ARHGAP10: variants seen among roughly 807,000 people sequenced by gnomAD.
ARHGAP10 encodes Rho GTPase activating protein 10, also known as rho GTPase-activating protein 10.
ARHGAP10 carries 87 observed loss-of-function variants against 108.6 expected under a neutral mutation model. The ratio of observed to expected loss-of-function variants is 0.80; its 90% CI spans 0.67 to 0.96. ARHGAP10 has a LOEUF of 0.96. Among genes scored for constraint, ARHGAP10 ranks in the 40% least tolerant of loss-of-function variants. The pLI is 0.00. For missense variants in ARHGAP10, 939 were observed against 954.5 expected (o/e 0.98, Z 0.21); for synonymous variants, 347 against 341.1 (o/e 1.02, Z -0.19).
At chr4:147,945,703 G>C (rs1357552872) in intron 14 of ARHGAP10, among the ~76,000 whole-genome samples, 1 of 152,116 alleles carries the variant, frequency 6.6e-6, no homozygotes, top group Non-Finnish European at 1.5e-5. Flanking sequence ...ATAGTCATTT[G>C]GCCATTCATG....
intron 3 of ARHGAP10, among the ~76,000 whole-genome samples, chr4:147,831,741 G>A (rs1383225947): frequency 6.6e-6 from 1 of 152,136 alleles, no homozygotes; most frequent in Admixed American, 6.5e-5. Context: ...TGTAAAACCT[G>A]TTTTTCAGGA....
At chr4:147,789,161 A>C (rs1412391885) in intron 1 of ARHGAP10, among the ~76,000 whole-genome samples, 2 of 152,216 alleles carry the variant, frequency 1.3e-5, no homozygotes, top group Non-Finnish European at 2.9e-5. Flanking sequence ...GCTGCTTTCC[A>C]TTCAGTCGTG....
chr4:147,767,182 A>G (rs1379953721), intron 1 of ARHGAP10, among the ~76,000 whole-genome samples: 1 of 152,086 alleles, frequency 6.6e-6, no homozygotes, highest in Non-Finnish European at 1.5e-5. Context: ...CCAGCAGCAA[A>G]GAAATCTGTT....
chr4:147,982,916 T>G (rs1739875884), intron 18 of ARHGAP10, among the ~76,000 whole-genome samples: 1 of 152,168 alleles, frequency 6.6e-6, no homozygotes, highest in African/African-American at 2.4e-5. Flanking sequence ...AGGGTCTTAC[T>G]CTCGCCCAGG....
intron 1 of ARHGAP10, among the ~76,000 whole-genome samples, chr4:147,743,522 A>G (rs1728781272): frequency 6.6e-6 from 1 of 152,192 alleles, no homozygotes; most frequent in African/African-American, 2.4e-5. Flanking sequence ...GCACGCCTGT[A>G]ATTCCAGCAC....
intron 15 of ARHGAP10, among the ~76,000 whole-genome samples, chr4:147,951,826 T>C (rs1205087705): frequency 3.3e-5 from 5 of 152,124 alleles, no homozygotes; most frequent in African/African-American, 1.2e-4. Context: ...ATATTTATAG[T>C]GTAAGTTTCG....
At chr4:147,906,584 A>T in intron 10 of ARHGAP10, 54 bp from the exon 11 acceptor site, 1 of 1,580,998 alleles carries the variant, frequency 6.3e-7, no homozygotes, top group Non-Finnish European at 8.7e-7. Context: ...TCTTAGGAAA[A>T]ACTTGCCTTT....
chr4:148,004,059 A>G (rs1267804944), intron 18 of ARHGAP10, among the ~76,000 whole-genome samples: 3 of 142,424 alleles, frequency 2.1e-5, no homozygotes, highest in Non-Finnish European at 4.5e-5. Context: ...GGCAGTGTCT[A>G]TCAAAGCTTG....
chr4:148,067,609 T>C (rs545559901), intron 22 of ARHGAP10, among the ~76,000 whole-genome samples: 2 of 152,376 alleles, frequency 1.3e-5, no homozygotes, highest in East Asian at 3.9e-4. Context: ...ACTTATCCAT[T>C]TGGAGTCTTC....
intron 1 of ARHGAP10, among the ~76,000 whole-genome samples, chr4:147,734,887 T>C (rs981578865): frequency 1.3e-5 from 2 of 152,240 alleles, no homozygotes; most frequent in Middle Eastern, 3.2e-3. Flanking sequence ...AGATTATTTA[T>C]ATTTCCAGAT....
intron 18 of ARHGAP10, among the ~76,000 whole-genome samples, chr4:147,983,668 T>A (rs913092205): frequency 2.6e-5 from 4 of 152,238 alleles, no homozygotes; most frequent in Non-Finnish European, 5.9e-5. Flanking sequence ...TTGTTCCTTC[T>A]TAACATAGCT....
chr4:148,036,300 T>C (rs544928352), intron 19 of ARHGAP10, among the ~76,000 whole-genome samples: 2 of 152,294 alleles, frequency 1.3e-5, no homozygotes, highest in African/African-American at 4.8e-5. Flanking sequence ...ATGAAGAAAA[T>C]TATCTCACTC....
At chr4:147,998,938 G>A (rs6856135) in intron 18 of ARHGAP10, among the ~76,000 whole-genome samples, 22,060 of 152,138 alleles carry the variant, frequency 0.14, 2,599 homozygotes, top group African/African-American at 0.32. Flanking sequence ...TAGACAAGAA[G>A]AGAGAAGAGA....
chr4:148,011,784 G>A (rs774475257), intron 18 of ARHGAP10, among the ~76,000 whole-genome samples: 1 of 152,144 alleles, frequency 6.6e-6, no homozygotes, highest in Non-Finnish European at 1.5e-5. Flanking sequence ...GGAATTAACT[G>A]TAATCTATCA....
chr4:147,743,193 C>T (rs750185581), intron 1 of ARHGAP10, among the ~76,000 whole-genome samples: 7 of 151,750 alleles, frequency 4.6e-5, no homozygotes, highest in Non-Finnish European at 7.4e-5. Context: ...ACCACCATGC[C>T]TGGCTATTTT....
At chr4:147,888,579 T>C (rs1036094577) in intron 10 of ARHGAP10, among the ~76,000 whole-genome samples, 8 of 152,232 alleles carry the variant, frequency 5.3e-5, no homozygotes, top group Non-Finnish European at 1.0e-4. Context: ...CTTGGTTAAC[T>C]TGGAAAATAA....
chr4:147,970,708 T>C (rs545367581), intron 18 of ARHGAP10, among the ~76,000 whole-genome samples: 79 of 152,304 alleles, frequency 5.2e-4, no homozygotes, highest in African/African-American at 1.8e-3. Context: ...GAGATGACAA[T>C]TTTTCCTAGC....
chr4:147,927,994 A>G (rs1737529945), intron 13 of ARHGAP10, among the ~76,000 whole-genome samples: 1 of 152,224 alleles, frequency 6.6e-6, no homozygotes, highest in Non-Finnish European at 1.5e-5. Flanking sequence ...GGGTAGAAAG[A>G]ATAGCAACAA....
intron 3 of ARHGAP10, among the ~76,000 whole-genome samples, chr4:147,837,069 C>T (rs764630531): frequency 7.9e-5 from 12 of 152,056 alleles, no homozygotes; most frequent in Non-Finnish European, 2.9e-5. Context: ...TCTTTTGACT[C>T]TTGTTCTTTC....
Sources: gnomAD v4.1 joint callset for allele counts (sites outside exome capture counted in the v4.1 genomes callset) on GRCh38, gnomAD v4.1.1 for gene constraint, MANE v1.5 for transcripts, NCBI Gene and HGNC (gene_info 2026-07-23, HGNC 2026-07-21) for gene names.